The following ASB4 variants were observed in gnomAD, a reference collection of about 807,000 sequenced individuals.
ASB4 encodes the protein ankyrin repeat and SOCS box protein 4.
In ASB4, 35 loss-of-function variants were observed where a neutral mutation model predicts 38.6. That is an observed-to-expected ratio of 0.91 (90% CI 0.69 to 1.20). ASB4 has a LOEUF of 1.20. ASB4 is among the 50% of genes most tolerant of loss of function. The pLI is 0.00. For missense variants in ASB4, 557 were observed against 527.2 expected, an observed-to-expected ratio of 1.06 and a Z score of -0.55; for synonymous variants, 195 against 201.3, an observed-to-expected ratio of 0.97 and a Z score of 0.26.
rs199528876 is a variant in ASB4 at position 95,493,361 on chromosome 7, A to AGTGTGT, written c.188-2372_188-2367dup. 3.8e-3 allele frequency among the ~76,000 whole-genome samples: 457 copies of AGTGTGT among 120,814 alleles called. 4 individuals carry two copies. Among genetic ancestry groups the AGTGTGT allele is most frequent in the African/African-American group, 0.012 (417 of 34,174 alleles). 79.3% of individuals were successfully genotyped at this position (120,814 alleles called of 152,430 possible). A position where few individuals can be genotyped will look rare whatever the true frequency, so the allele number is the denominator to read the frequency against. On this transcript the variant is annotated intron_variant, in intron 1 of 4. Transcript: ENST00000325885. Reference sequence around the variant, plus strand: ...CTGAATGGAGTAAAAAAGAGATGAAAGTGTGTGTGTGTGTGTGTGTGTGTG... The same window carrying AGTGTGT: ...CTGAATGGAGTAAAAAAGAGATGAAAGTGTGTGTGTGTGTGTGTGTGTGTGTGTGTG...
At chr7:95,496,754 A>G (rs1245302152) in intron 2 of ASB4, among the ~76,000 whole-genome samples, 2 of 152,178 alleles carry the variant, frequency 1.3e-5, no homozygotes, top group Non-Finnish European at 2.9e-5. Flanking sequence ...AGACTGAGGT[A>G]GGAGGGTCAC....
chr7:95,528,438 T>C (rs989102956), intron 3 of ASB4, 135 bp downstream of exon 3: 5 of 1,499,634 alleles, frequency 3.3e-6, no homozygotes, highest in Non-Finnish European at 3.5e-6. Flanking sequence ...GACCTTCCAT[T>C]ACATACCTAA....
the ASB4 span, among the ~76,000 whole-genome samples, chr7:95,546,620 G>A: frequency 6.6e-6 from 1 of 152,140 alleles, no homozygotes; most frequent in African/African-American, 2.4e-5. Context: ...CAGCCGCAGA[G>A]TTCTTCTCAG....
intron 2 of ASB4, among the ~76,000 whole-genome samples, chr7:95,516,994 A>G (rs901093843): frequency 6.6e-6 from 1 of 152,174 alleles, no homozygotes; most frequent in Non-Finnish European, 1.5e-5. Context: ...ATCTGTCTCC[A>G]CTGGATGTTT....
chr7:95,510,184 G>T (rs1034353953), intron 2 of ASB4, among the ~76,000 whole-genome samples: 2 of 152,080 alleles, frequency 1.3e-5, no homozygotes, highest in African/African-American at 4.8e-5. Flanking sequence ...GAAAAGATAT[G>T]AAAAACTGTC....
chr7:95,525,374 T>A (rs1790722762), intron 2 of ASB4, among the ~76,000 whole-genome samples: 1 of 152,224 alleles, frequency 6.6e-6, no homozygotes. Context: ...CAGGAGTTGA[T>A]GTTTCTGGTC....
chr7:95,477,606 A>G (rs1789989148), upstream of ASB4, among the ~76,000 whole-genome samples: 1 of 152,206 alleles, frequency 6.6e-6, no homozygotes, highest in Non-Finnish European at 1.5e-5. Context: ...CTAAAGTATG[A>G]AGCTTGACAT....
chr7:95,543,983 A>G (rs1016087148), downstream of ASB4: 10 of 152,080 alleles, frequency 6.6e-5, no homozygotes, highest in African/African-American at 2.4e-4. Flanking sequence ...TGCCTTTATC[A>G]TTACTCTTTT....
intron 2 of ASB4, among the ~76,000 whole-genome samples, chr7:95,518,634 T>TA (rs1790618534): frequency 6.6e-6 from 1 of 152,186 alleles, no homozygotes; most frequent in African/African-American, 2.4e-5. Context: ...GATACCTAGA[T>TA]AAGGGTAAGA....
chr7:95,548,847 A>G, the ASB4 span, among the ~76,000 whole-genome samples: 3 of 152,202 alleles, frequency 2.0e-5, no homozygotes, highest in South Asian at 4.1e-4. Context: ...ATTCCTTTAC[A>G]TGCTTTAATT....
At chr7:95,509,477 T>C (rs1270009894) in intron 2 of ASB4, among the ~76,000 whole-genome samples, 3 of 152,156 alleles carry the variant, frequency 2.0e-5, no homozygotes, top group Admixed American at 1.3e-4. Context: ...AGCTTCTGAA[T>C]AAATGCAACA....
At chr7:95,480,009 AG>A (rs1206906922) in intron 1 of ASB4, among the ~76,000 whole-genome samples, 2 of 152,164 alleles carry the variant, frequency 1.3e-5, no homozygotes, top group Admixed American at 1.3e-4. Flanking sequence ...TTTTTGTTCA[AG>A]GCAAGTGAAT....
chr7:95,536,446 G>C lies in ASB4; in HGVS notation c.988G>C (p.Ala330Pro), dbSNP rs774765680. 3 of 1,608,628 alleles carry C rather than the reference G, an allele frequency of 1.9e-6. No individual in the cohort carries two copies. The highest frequency in any genetic ancestry group is 1.1e-5 in the South Asian group (1 of 90,890). The change falls in exon 4 of 5, where the codon GCC (alanine) becomes CCC (proline). Residue 330 changes from alanine to proline, a missense_variant. Transcript: ENST00000325885. ...TGTGCTTCCTCTGCAGGTGATACAG[G>C]CCTGCCATTCTTGTCCTAAAGCAAT... ...YPPQFHKVIQACHSCPKAIEV... is the reference protein window; with the variant it reads ...YPPQFHKVIQPCHSCPKAIEV...
intron 2 of ASB4, among the ~76,000 whole-genome samples, chr7:95,514,794 A>T (rs747811468): frequency 4.6e-5 from 7 of 152,234 alleles, no homozygotes; most frequent in Non-Finnish European, 1.0e-4. Context: ...GCCTTTCTGC[A>T]AGAAACAGAC....
chr7:95,477,957 T>C (rs1241285627), upstream of ASB4, among the ~76,000 whole-genome samples: 1 of 152,108 alleles, frequency 6.6e-6, no homozygotes, highest in Non-Finnish European at 1.5e-5. Flanking sequence ...AGTTTTGGTG[T>C]TGTGTTGAGG....
At chr7:95,474,680 C>T (rs531575425), upstream of ASB4, among the ~76,000 whole-genome samples, 180 of 152,142 alleles carry the variant, frequency 1.2e-3, no homozygotes, top group African/African-American at 4.0e-3. Flanking sequence ...TGCCACCATG[C>T]CAGGCTAATT....
chr7:95,509,359 T>G (rs953017258), intron 2 of ASB4, among the ~76,000 whole-genome samples: 3 of 152,130 alleles, frequency 2.0e-5, no homozygotes. Flanking sequence ...GCATCCCACA[T>G]CCGTTGTTTG....
chr7:95,549,301 A>ATTTTTGTTTTTTTTTTT, the ASB4 span, among the ~76,000 whole-genome samples: 1 of 114,850 alleles, frequency 8.7e-6, no homozygotes, highest in Non-Finnish European at 1.7e-5. Context: ...AGGAGACTCC[A>ATTTTTGTTTTTTTTTTT]TTTTTTTTTT....
chr7:95,502,667 A>G (rs1041445192), intron 2 of ASB4, among the ~76,000 whole-genome samples: 2 of 152,236 alleles, frequency 1.3e-5, no homozygotes, highest in Non-Finnish European at 2.9e-5. Context: ...ACTAGAAATT[A>G]GAGACTTTCT....
Sources: allele counts gnomAD v4.1 joint callset (sites outside exome capture counted in the v4.1 genomes callset), GRCh38; gene constraint gnomAD v4.1.1; transcripts MANE v1.5; gene names NCBI Gene and HGNC (gene_info 2026-07-23, HGNC 2026-07-21).